Variants in CNTNAP5 observed in about 807,000 individuals in gnomAD.
The protein encoded by CNTNAP5 is contactin associated protein family member 5, also known as contactin-associated protein-like 5.
A neutral mutation model predicts 150.2 loss-of-function variants in CNTNAP5; 72 were observed. The ratio of observed to expected loss-of-function variants is 0.48; its 90% CI spans 0.40 to 0.58. The LOEUF is 0.58. Among genes scored for constraint, CNTNAP5 ranks in the 20% least tolerant of loss-of-function variants. The pLI is 0.00. For synonymous variants in CNTNAP5, 672 were observed against 619.8 expected, an observed-to-expected ratio of 1.08 and a Z score of -1.25; for missense variants, 1,636 against 1,626.2, an observed-to-expected ratio of 1.01 and a Z score of -0.10.
At chr2:124,129,415 C>G (rs1683793482) in intron 1 of CNTNAP5, among the ~76,000 whole-genome samples, 1 of 152,026 alleles carries the variant, frequency 6.6e-6, no homozygotes, top group Non-Finnish European at 1.5e-5. Flanking sequence ...ACTGTGTGGC[C>G]AAGATCACAT....
intron 12 of CNTNAP5, among the ~76,000 whole-genome samples, chr2:124,615,476 T>C (rs1205989706): frequency 1.3e-5 from 2 of 152,238 alleles, no homozygotes; most frequent in Non-Finnish European, 2.9e-5. Flanking sequence ...TAAAATTTTA[T>C]CATGAGAATA....
At chr2:124,407,497 T>C (rs1264893273) in intron 3 of CNTNAP5, among the ~76,000 whole-genome samples, 2 of 152,248 alleles carry the variant, frequency 1.3e-5, no homozygotes, top group Non-Finnish European at 2.9e-5. Flanking sequence ...TCAGTGTATT[T>C]AACATGGATA....
At chr2:124,912,507 A>C (rs1007251016) in intron 23 of CNTNAP5, among the ~76,000 whole-genome samples, 5 of 152,068 alleles carry the variant, frequency 3.3e-5, no homozygotes, top group African/African-American at 1.2e-4. Context: ...ATGGGAGCAC[A>C]GAGGTGCACT....
chr2:124,239,410 A>G (rs1244220615), intron 2 of CNTNAP5, among the ~76,000 whole-genome samples: 1 of 152,212 alleles, frequency 6.6e-6, no homozygotes, highest in Non-Finnish European at 1.5e-5. Context: ...GTTAAGGCTT[A>G]AGAATTTTCA....
chr2:124,684,815 A>G (rs1679154557), intron 13 of CNTNAP5, among the ~76,000 whole-genome samples: 1 of 152,200 alleles, frequency 6.6e-6, no homozygotes, highest in East Asian at 1.9e-4. Flanking sequence ...GGTGGCAATT[A>G]TTATGATCCA....
At chr2:124,768,579 C>T (rs1386868046) in intron 16 of CNTNAP5, among the ~76,000 whole-genome samples, 2 of 151,986 alleles carry the variant, frequency 1.3e-5, no homozygotes, top group Non-Finnish European at 2.9e-5. Context: ...GCACTCCCAT[C>T]GATGACGATC....
intron 11 of CNTNAP5, among the ~76,000 whole-genome samples, chr2:124,599,703 C>CTT (rs1395343282): frequency 6.6e-6 from 1 of 152,110 alleles, no homozygotes; most frequent in East Asian, 1.9e-4. Context: ...ATATTACAAT[C>CTT]TTACTCTATT....
chr2:124,132,874 C>A (rs2104604781), intron 1 of CNTNAP5, among the ~76,000 whole-genome samples: 1 of 152,234 alleles, frequency 6.6e-6, no homozygotes, highest in East Asian at 1.9e-4. Flanking sequence ...ACCAACTGTA[C>A]TAATGAATTC....
chr2:124,502,687 A>G (rs554584697), intron 7 of CNTNAP5, among the ~76,000 whole-genome samples: 1 of 152,116 alleles, frequency 6.6e-6, no homozygotes, highest in East Asian at 1.9e-4. Flanking sequence ...GTTGGCCATC[A>G]TTGGTGATGT....
chr2:124,205,421 CTT>C (rs1244599337), intron 1 of CNTNAP5, among the ~76,000 whole-genome samples: 13 of 142,274 alleles, frequency 9.1e-5, no homozygotes, highest in East Asian at 2.0e-4. Flanking sequence ...CTTTTCTTTT[CTT>C]TTTTTTTTTT....
intron 3 of CNTNAP5, among the ~76,000 whole-genome samples, chr2:124,320,552 C>T (rs1689075064): frequency 6.6e-6 from 1 of 152,118 alleles, no homozygotes; most frequent in Non-Finnish European, 1.5e-5. Context: ...CTCACCTGAC[C>T]TCACATGCTC....
chr2:124,389,227 G>GA (rs35698339), intron 3 of CNTNAP5, among the ~76,000 whole-genome samples: 9 of 151,706 alleles, frequency 5.9e-5, no homozygotes, highest in Non-Finnish European at 1.0e-4. Context: ...TGTTTTGTTT[G>GA]AAAAAAAATA....
intron 3 of CNTNAP5, among the ~76,000 whole-genome samples, chr2:124,385,823 AG>A (rs895648864): frequency 6.6e-6 from 1 of 152,168 alleles, no homozygotes; most frequent in Non-Finnish European, 1.5e-5. Context: ...CTATCCCTGG[AG>A]GGGTTCACAT....
intron 1 of CNTNAP5, among the ~76,000 whole-genome samples, chr2:124,124,661 G>A (rs1683643785): frequency 1.3e-5 from 2 of 152,194 alleles, no homozygotes; most frequent in Admixed American, 1.3e-4. Flanking sequence ...GGCAGCCAGA[G>A]AGAAAGGTCG....
At chr2:124,496,217 G>A (rs548664841) in intron 7 of CNTNAP5, among the ~76,000 whole-genome samples, 10 of 152,240 alleles carry the variant, frequency 6.6e-5, no homozygotes, top group Non-Finnish European at 8.8e-5. Flanking sequence ...TTTGATTCCC[G>A]AGTCACCCTG....
intron 11 of CNTNAP5, among the ~76,000 whole-genome samples, chr2:124,591,604 T>C (rs1284995342): frequency 6.6e-6 from 1 of 152,152 alleles, no homozygotes; most frequent in Non-Finnish European, 1.5e-5. Flanking sequence ...TACACCGATA[T>C]GTCACCATGT....
At chr2:124,260,616 C>G (rs890559140) in intron 3 of CNTNAP5, among the ~76,000 whole-genome samples, 1 of 152,300 alleles carries the variant, frequency 6.6e-6, no homozygotes, top group East Asian at 1.9e-4. Flanking sequence ...GCAATCTACT[C>G]ATTTGACAAA....
chr2:124,546,746 T>A (rs2104912182), intron 10 of CNTNAP5, among the ~76,000 whole-genome samples: 1 of 152,306 alleles, frequency 6.6e-6, no homozygotes, highest in African/African-American at 2.4e-5. Flanking sequence ...TGCCTCTTTT[T>A]CCTTCTAGTA....
chr2:124,226,615 C>T (rs552435848), intron 2 of CNTNAP5, among the ~76,000 whole-genome samples: 28 of 151,552 alleles, frequency 1.8e-4, no homozygotes, highest in Non-Finnish European at 3.5e-4. Flanking sequence ...TGATATAGTC[C>T]CACTTGCTCA....
Sources: allele counts gnomAD v4.1 joint callset (sites outside exome capture counted in the v4.1 genomes callset), GRCh38; gene constraint gnomAD v4.1.1; transcripts MANE v1.5; gene names NCBI Gene and HGNC (gene_info 2026-07-23, HGNC 2026-07-21).